Variants in ZNF66 observed in about 807,000 individuals in gnomAD.
The protein encoded by ZNF66 is putative zinc finger protein 66.
Under a neutral mutation model 35.2 loss-of-function variants are expected in ZNF66, and 32 were observed. The observed-to-expected ratio is 0.91, with a 90% CI of 0.69 to 1.22. The LOEUF is 1.22. Among genes scored for constraint, ZNF66 ranks in the 50% most tolerant of loss-of-function variants. The pLI, the probability that ZNF66 is intolerant of heterozygous loss-of-function variation, is 0.00. For synonymous variants in ZNF66, 231 were observed against 181.3 expected (o/e 1.27, Z -2.20); for missense variants, 666 against 543.1 (o/e 1.23, Z -2.25).
In ZNF66 at chr19:20,788,357, T is replaced by C. The variant is rs192049616; in HGVS notation, c.4-4155T>C. ...GGCTTTATTTAGTCTACTTTGTTTA[T>C]ATTGTGACTTCTGATGTCTACATCT... On this transcript the variant is annotated intron_variant, in intron 1 of 3. Transcript: ENST00000344519. 1.3e-4 allele frequency among the ~76,000 whole-genome samples: 20 copies of C among 152,324 alleles called. 1 individual carries two copies. The highest frequency in any genetic ancestry group is 5.2e-4 in the Admixed American group (8 of 15,300).
At chr19:20,785,018 T>C (rs1971275084) in intron 1 of ZNF66, 2 of 152,332 alleles carry the variant, frequency 1.3e-5, no homozygotes, top group Admixed American at 1.3e-4. Context: ...TGGACTCATG[T>C]TGGAAATTCA....
rs1388451427 is a variant in ZNF66, at chr19:20,809,630, TGA to T, written c.*2313_*2314del. Among the ~76,000 whole-genome samples, 1 of 151,840 alleles carries T rather than the reference TGA, an allele frequency of 6.6e-6. No homozygotes were observed. Among genetic ancestry groups the T allele is most frequent in the East Asian group, 1.9e-4 (1 of 5,174 alleles). On this transcript the variant is annotated 3_prime_UTR_variant, in exon 4 of 4. Transcript: ENST00000344519. Reference sequence around the variant, plus strand: ...AAATACTTTACAGACAAGCAAATGCTGAGAGATTTTGTCACCACCAGGCCTGC... The same window carrying T: ...AAATACTTTACAGACAAGCAAATGCTGAGATTTTGTCACCACCAGGCCTGC...
At chr19:20,793,074 A>G (rs990527133) in intron 2 of ZNF66, among the ~76,000 whole-genome samples, 34 of 120,718 alleles carry the variant, frequency 2.8e-4, no homozygotes, top group Admixed American at 8.7e-4. Context: ...CTCAAGGAAG[A>G]AAAAAAAAAA....
At position 20,807,450 on chromosome 19, in the gene ZNF66, A is replaced by G. The variant is rs1036626154; in HGVS notation, c.*128A>G. 5 of 542,142 alleles carry G rather than the reference A, an allele frequency of 9.2e-6. No individual in the cohort carries two copies. Among genetic ancestry groups the G allele is most frequent in the Non-Finnish European group, 1.6e-5 (5 of 306,538 alleles). 33.6% of individuals were successfully genotyped at this position (542,142 alleles called of 1,614,324 possible). On this transcript the variant is annotated 3_prime_UTR_variant, in exon 4 of 4. Coordinates refer to ENST00000344519, the MANE Select transcript of ZNF66 (RefSeq NM_001355197.2). ...TAAATATGAGAATTTATGGAACACAAACACTACAAATATAAAGAATGTGAC... is the reference window on the plus strand; with the variant it reads ...TAAATATGAGAATTTATGGAACACAGACACTACAAATATAAAGAATGTGAC...
At chr19:20,804,078 C>A (rs1262507095) in intron 3 of ZNF66, among the ~76,000 whole-genome samples, 1 of 151,750 alleles carries the variant, frequency 6.6e-6, no homozygotes, top group Non-Finnish European at 1.5e-5. Flanking sequence ...TTGGTGTGTA[C>A]ATTTTTAAAG....
In ZNF66 at chr19:20,806,956, C is replaced by T; in HGVS notation, c.1356C>T (p.Pro452=). 4 of 1,129,596 alleles carry T rather than the reference C, an allele frequency of 3.5e-6. No individual in the cohort carries two copies. Among genetic ancestry groups the T allele is most frequent in the Non-Finnish European group, 5.4e-6 (4 of 740,086 alleles). 70.0% of individuals were successfully genotyped at this position (1,129,596 alleles called of 1,614,324 possible). A position where few individuals can be genotyped will look rare whatever the true frequency, so the allele number is the denominator to read the frequency against. ...THKIIHTGEK[P]YECEDCGKAF... is the part of the protein sequence containing the mutation. ...AGATAATTCACACTGGAGAGAAACC[C>T]TACGAATGTGAAGACTGTGGCAAAG... Residue 452 remains proline, a synonymous_variant, in exon 4 of 4, where the codon CCC becomes CCT. Transcript: ENST00000344519.
Position 20,807,448 on chromosome 19 carries a change from C to G in ZNF66, c.*126C>G, listed in dbSNP as rs563557571. The G allele has an allele frequency of 8.7e-5, 47 of 542,402 alleles. No homozygotes were observed. The South Asian group carries it at 1.3e-3, about 15-fold the overall frequency. The allele number at this position is 542,402 out of a possible 1,614,324, so 33.6% of individuals were successfully genotyped here. ...ACTAAATATGAGAATTTATGGAACA[C>G]AAACACTACAAATATAAAGAATGTG... On this transcript the variant is annotated 3_prime_UTR_variant, in exon 4 of 4. Coordinates refer to ENST00000344519, the MANE Select transcript of ZNF66 (RefSeq NM_001355197.2).
chr19:20,776,516 C>T, intron 1 of ZNF66, 66 bp downstream of exon 1: 2 of 1,476,582 alleles, frequency 1.4e-6, no homozygotes, highest in East Asian at 2.3e-5. Flanking sequence ...GGCCTCCCCT[C>T]AGTCAGCTCC....
intron 1 of ZNF66, 93 bp downstream of exon 1, chr19:20,776,543 A>G: frequency 2.1e-6 from 3 of 1,420,674 alleles, no homozygotes; most frequent in Non-Finnish European, 3.0e-6. Context: ...TGCACCCCGA[A>G]TTCTCCTTAC....
chr19:20,786,476 C>T (rs899772038), intron 1 of ZNF66, among the ~76,000 whole-genome samples: 1 of 152,178 alleles, frequency 6.6e-6, no homozygotes, highest in African/African-American at 2.4e-5. Flanking sequence ...TCTTCCTCCT[C>T]TTGCCAAAAT....
chr19:20,809,179 G>A lies in ZNF66; in HGVS notation c.*1857G>A, dbSNP rs1213447477. Among the ~76,000 whole-genome samples, 1 of 152,168 alleles carries A rather than the reference G, an allele frequency of 6.6e-6. No individual in the cohort carries two copies. The highest frequency in any genetic ancestry group is 2.4e-5 in the African/African-American group (1 of 41,434). On this transcript the variant is annotated 3_prime_UTR_variant, in exon 4 of 4. Transcript: ENST00000344519. The stretch of plus-strand genomic sequence containing the variant: ...AAGTCTCCAAGAAATATGGGACTAT[G>A]TGAAAAGACCAAATCTACCTCTGAT...
chr19:20,785,756 TGTTTGTTTGTTTG>T (rs1447884025), intron 1 of ZNF66, among the ~76,000 whole-genome samples: 30 of 151,698 alleles, frequency 2.0e-4, no homozygotes, highest in South Asian at 2.1e-4. Context: ...TTTCTGTTTT[TGTTTGTTTGTTTG>T]TTTGTTTTTT....
intron 1 of ZNF66, among the ~76,000 whole-genome samples, chr19:20,787,381 T>C (rs1971296261): frequency 3.3e-5 from 5 of 152,162 alleles, no homozygotes; most frequent in African/African-American, 1.2e-4. Context: ...CATGAGGGGA[T>C]CTCTACTTAG....
intron 1 of ZNF66, among the ~76,000 whole-genome samples, chr19:20,777,544 C>T (rs1971207033): frequency 6.6e-6 from 1 of 150,612 alleles, no homozygotes; most frequent in South Asian, 2.1e-4. Flanking sequence ...TCACATCCCA[C>T]AGGGGACTGA....
intron 1 of ZNF66, 59 bp from the exon 2 acceptor site, chr19:20,792,453 C>G: frequency 1.4e-6 from 2 of 1,389,770 alleles, no homozygotes; most frequent in African/African-American, 1.5e-5. Context: ...CACCTTAAGT[C>G]AAATTAAAAA....
chr19:20,796,917 C>A (rs998223648), intron 3 of ZNF66, among the ~76,000 whole-genome samples: 1 of 152,092 alleles, frequency 6.6e-6, no homozygotes, highest in Non-Finnish European at 1.5e-5. Context: ...GTGGTGTGAT[C>A]GTGGCTCACT....
chr19:20,805,853 C>A lies in ZNF66; in HGVS notation c.253C>A (p.Leu85Ile). 1.7e-6 allele frequency: 1 copy of A among 592,928 alleles called. No homozygotes were observed. Among genetic ancestry groups the A allele is most frequent in the Non-Finnish European group, 3.0e-6 (1 of 328,100 alleles). The allele number at this position is 592,928 out of a possible 1,614,324, so 36.7% of individuals were successfully genotyped here. A position where few individuals can be genotyped will look rare whatever the true frequency, so the allele number is the denominator to read the frequency against. The change falls in exon 4 of 4, where the codon CTT becomes ATT. Residue 85 changes from leucine (L) to isoleucine (I), a missense_variant. By Grantham distance (5) the Leu-to-Ile change is conservative. Coordinates refer to ENST00000344519, the MANE Select transcript of ZNF66 (RefSeq NM_001355197.2). ...TTTGTGTTCTCATTTTAACCAAGAC[C>A]TTTGGCCAGAGCAGAGCATAAAAGA... ...SVLCSHFNQD[L>I]WPEQSIKDSF...
In ZNF66 at chr19:20,797,189, A is replaced by ATTTTTTTTTTTTTT. The variant is rs142052913; in HGVS notation, c.226+3334_226+3347dup. ...ATAATGCATCAATGTTGCATGCTAG[A>ATTTTTTTTTTTTTT]TTTTTTTTTTTTTTTTTTTTTTTTT... is the stretch of plus-strand genomic sequence containing the variant. On this transcript the variant is annotated intron_variant, in intron 3 of 3. Transcript: ENST00000344519. Among the ~76,000 whole-genome samples, 13 of 45,480 alleles carry ATTTTTTTTTTTTTT rather than the reference A, an allele frequency of 2.9e-4. 2 individuals carry two copies. The highest frequency in any genetic ancestry group is 3.7e-4 in the Non-Finnish European group (9 of 24,166). The allele number at this position is 45,480 out of a possible 152,430, so 29.8% of individuals were successfully genotyped here.
At position 20,776,360 on chromosome 19, in the gene ZNF66, T is replaced by A; in HGVS notation, c.-88T>A. The A allele has an allele frequency of 6.7e-7, 1 of 1,501,746 alleles. No homozygotes were observed. The highest frequency in any genetic ancestry group is 1.1e-5 in the South Asian group (1 of 88,760). 93.0% of individuals were successfully genotyped at this position (1,501,746 alleles called of 1,614,324 possible). The stretch of plus-strand genomic sequence containing the variant: ...CTGTTCACTGCTCTCTGTCTTCTTC[T>A]CCTAGAGGCCCAGCCTCTGTGGCCC... On this transcript the variant is annotated 5_prime_UTR_variant, in exon 1 of 4. Transcript: ENST00000344519.
Sources: gnomAD v4.1 joint callset for allele counts (sites outside exome capture counted in the v4.1 genomes callset) on GRCh38, gnomAD v4.1.1 for gene constraint, MANE v1.5 for transcripts, NCBI Gene and HGNC (gene_info 2026-07-23, HGNC 2026-07-21) for gene names.